CR1L: variants seen among roughly 807,000 people sequenced by gnomAD.
CR1L encodes complement component receptor 1-like protein.
Under a neutral mutation model 62.3 loss-of-function variants are expected in CR1L, and 59 were observed. The ratio of observed to expected loss-of-function variants is 0.95; its 90% confidence interval spans 0.77 to 1.18. The LOEUF (loss-of-function observed/expected upper bound fraction) is 1.18. CR1L is among the 50% of genes most tolerant of loss of function. The probability of loss-of-function intolerance (pLI) is 0.00; values close to 1 mark genes in which losing one functional copy is unlikely to be tolerated. For synonymous variants in CR1L, 279 were observed against 248.7 expected, an observed-to-expected ratio of 1.12 and a Z score of -1.15; for missense variants, 700 against 702.8, an observed-to-expected ratio of 1.00 and a Z score of 0.04.
rs1160025711 is a variant in CR1L at position 207,683,745 on chromosome 1, A to C, written c.378-127A>C. 6 of 836,070 alleles carry C rather than the reference A, an allele frequency of 7.2e-6. 1 individual carries two copies. Among genetic ancestry groups the C allele is most frequent in the Non-Finnish European group, 1.8e-6 (1 of 562,704 alleles). 51.8% of individuals were successfully genotyped at this position (836,070 alleles called of 1,614,324 possible). A position where few individuals can be genotyped will look rare whatever the true frequency, so the allele number is the denominator to read the frequency against. On this transcript the variant is annotated intron_variant, in intron 3 of 11. Coordinates refer to ENST00000508064, the MANE Select transcript of CR1L (RefSeq NM_175710.2). ...AATGTGAAATTTGGGAAGGTGATAG[A>C]CAATTCTTTGACAAGTGGAAAATGT...
At chr1:207,696,435 T>C (rs1664101875) in intron 5 of CR1L, among the ~76,000 whole-genome samples, 1 of 152,186 alleles carries the variant, frequency 6.6e-6, no homozygotes, top group Non-Finnish European at 1.5e-5. Flanking sequence ...TGATTATAGT[T>C]TTAAGGTTTC....
chr1:207,672,288 G>A (rs1318290158), intron 1 of CR1L, among the ~76,000 whole-genome samples: 1 of 150,362 alleles, frequency 6.7e-6, no homozygotes, highest in Non-Finnish European at 1.5e-5. Flanking sequence ...GGAATAAAGA[G>A]GGTCATCATA....
intron 11 of CR1L, 142 bp downstream of exon 11, chr1:207,717,833 G>A: frequency 9.7e-7 from 1 of 1,028,364 alleles, no homozygotes; most frequent in South Asian, 1.6e-5. Flanking sequence ...CCAAGTGAAT[G>A]ACAAATGGGT....
intron 4 of CR1L, among the ~76,000 whole-genome samples, chr1:207,685,441 A>G (rs145042073): frequency 3.3e-5 from 5 of 152,324 alleles, no homozygotes; most frequent in African/African-American, 7.2e-5. Flanking sequence ...TGCTTATACA[A>G]ATCAAATAAC....
chr1:207,708,266 G>A lies in CR1L; in HGVS notation c.1414+3G>A, dbSNP rs1285091897. 1.9e-6 allele frequency: 3 copies of A among 1,611,050 alleles called. No homozygotes were observed. The highest frequency in any genetic ancestry group is 2.7e-5 in the African/African-American group (2 of 74,954). ...CATGAAGCCACCAATTTGTCAACGT[G>A]AGTTGAAATCTCTTTCCCCATTCAC... On this transcript the variant is annotated splice_donor_region_variant and intron_variant, in intron 10 of 11. Coordinates refer to ENST00000508064, the MANE Select transcript of CR1L (RefSeq NM_175710.2).
intron 9 of CR1L, among the ~76,000 whole-genome samples, chr1:207,707,442 A>G (rs937296581): frequency 2.0e-5 from 3 of 152,176 alleles, no homozygotes; most frequent in Non-Finnish European, 4.4e-5. Context: ...AGTCTGGCCA[A>G]AGTGGTGAAA....
chr1:207,677,668 G>A, intron 2 of CR1L, 100 bp downstream of exon 2: 3 of 1,361,190 alleles, frequency 2.2e-6, no homozygotes, highest in Non-Finnish European at 3.0e-6. Context: ...ACAACAATTA[G>A]TTTGCTAAGG....
chr1:207,650,604 G>C (rs1221947977), intron 1 of CR1L, among the ~76,000 whole-genome samples: 1 of 152,158 alleles, frequency 6.6e-6, no homozygotes, highest in Non-Finnish European at 1.5e-5. Context: ...GTTTTAAATA[G>C]ATTGGATAGT....
chr1:207,677,095 G>T (rs1014039443), intron 1 of CR1L, among the ~76,000 whole-genome samples: 1 of 152,026 alleles, frequency 6.6e-6, no homozygotes, highest in Non-Finnish European at 1.5e-5. Context: ...GGGAGGCAGA[G>T]GTGGGCAGAT....
At chr1:207,679,348 G>C (rs11118337) in intron 3 of CR1L, among the ~76,000 whole-genome samples, 55,095 of 151,286 alleles carry the variant, frequency 0.36, 10,186 homozygotes, top group Non-Finnish European at 0.4. Context: ...TATTGGATTG[G>C]GGCCCACACT....
intron 3 of CR1L, among the ~76,000 whole-genome samples, chr1:207,682,641 G>A (rs1014943720): frequency 2.0e-5 from 3 of 152,054 alleles, no homozygotes; most frequent in Non-Finnish European, 4.4e-5. Context: ...ATGCTGCCAG[G>A]TTTTCCTACA....
intron 1 of CR1L, among the ~76,000 whole-genome samples, chr1:207,658,295 A>C (rs968480816): frequency 2.0e-5 from 2 of 102,194 alleles, no homozygotes; most frequent in African/African-American, 8.6e-5. Flanking sequence ...AAAATCAATG[A>C]AACTGAGAAG....
intron 3 of CR1L, among the ~76,000 whole-genome samples, chr1:207,679,024 T>G (rs1663751869): frequency 6.8e-6 from 1 of 146,976 alleles, no homozygotes; most frequent in South Asian, 2.2e-4. Flanking sequence ...TGAGATGGAG[T>G]CTGGCTCTGT....
chr1:207,720,241 C>A (rs781326890), intron 11 of CR1L, among the ~76,000 whole-genome samples: 1 of 152,190 alleles, frequency 6.6e-6, no homozygotes, highest in Non-Finnish European at 1.5e-5. Flanking sequence ...TTCCTAGTCT[C>A]TTTACCCTAT....
chr1:207,694,589 A>C lies in CR1L; in HGVS notation c.700A>C (p.Asn234His). The change falls in exon 5 of 12, where the codon AAT becomes CAT. Residue 234 changes from asparagine (N) to histidine (H), a missense_variant. Transcript: ENST00000508064. ...CIIPNKCTPP[N>H]VENGILVSDN... ...TATACCTAACAAATGCACGCCTCCA[A>C]ATGTGGAAAATGGAATATTGGTATC... The C allele has an allele frequency of 1.9e-6, 3 of 1,611,956 alleles. No individual in the cohort carries two copies. The highest frequency in any genetic ancestry group is 2.2e-5 in the East Asian group (1 of 44,892).
intron 4 of CR1L, among the ~76,000 whole-genome samples, chr1:207,690,474 C>G (rs936864695): frequency 5.3e-5 from 8 of 152,240 alleles, no homozygotes; most frequent in Middle Eastern, 3.4e-3. Flanking sequence ...GTTACATATG[C>G]ACTTGAAAAG....
chr1:207,662,522 A>G (rs1021404770), intron 1 of CR1L, among the ~76,000 whole-genome samples: 2 of 151,948 alleles, frequency 1.3e-5, no homozygotes, highest in African/African-American at 4.8e-5. Flanking sequence ...ACTTCTCTGC[A>G]TTGGTTATTC....
At chr1:207,718,152 T>C (rs998026061) in intron 11 of CR1L, among the ~76,000 whole-genome samples, 3 of 152,222 alleles carry the variant, frequency 2.0e-5, no homozygotes, top group Non-Finnish European at 4.4e-5. Context: ...GGATTTATAC[T>C]TTTTATGTTG....
intron 11 of CR1L, among the ~76,000 whole-genome samples, chr1:207,719,719 AAC>A (rs143460282): frequency 0.021 from 3,180 of 149,942 alleles, 100 homozygotes; most frequent in African/African-American, 0.064. Context: ...CTCTGTCTCA[AAC>A]ACACACACAC....
Sources: gnomAD v4.1 joint callset for allele counts (sites outside exome capture counted in the v4.1 genomes callset) on GRCh38, gnomAD v4.1.1 for gene constraint, MANE v1.5 for transcripts, NCBI Gene and HGNC (gene_info 2026-07-23, HGNC 2026-07-21) for gene names.